Variants in ADAM12 observed in about 807,000 individuals in gnomAD.
The protein encoded by ADAM12 is disintegrin and metalloproteinase domain-containing protein 12.
In ADAM12, 70 loss-of-function variants were observed where a neutral mutation model predicts 106.4. The observed-to-expected ratio is 0.66, with a 90% confidence interval of 0.54 to 0.80. The LOEUF (loss-of-function observed/expected upper bound fraction) is 0.80, where lower values mean the gene tolerates loss of function less well. Among genes scored for constraint, ADAM12 ranks in the 30% least tolerant of loss-of-function variants. The pLI, the probability that ADAM12 is intolerant of heterozygous loss-of-function variation, is 0.00. For synonymous variants in ADAM12, 420 were observed against 433.5 expected (o/e 0.97, Z 0.39); for missense variants, 1,010 against 1,171.9 (o/e 0.86, Z 2.02).
intron 3 of ADAM12, among the ~76,000 whole-genome samples, chr10:126,246,947 C>T (rs971083771): frequency 3.3e-5 from 5 of 152,272 alleles, no homozygotes; most frequent in East Asian, 1.9e-4. Context: ...AAACTATTCC[C>T]GTTAGCAGAC....
intron 11 of ADAM12, among the ~76,000 whole-genome samples, chr10:126,086,449 G>T (rs778283410): frequency 1.3e-5 from 2 of 148,790 alleles, no homozygotes; most frequent in Non-Finnish European, 1.5e-5. Context: ...GCCAAGGCAG[G>T]TGGATCACTC....
intron 3 of ADAM12, among the ~76,000 whole-genome samples, chr10:126,270,688 C>A (rs986377794): frequency 6.6e-6 from 1 of 152,184 alleles, no homozygotes; most frequent in Non-Finnish European, 1.5e-5. Flanking sequence ...TTTTAACAAG[C>A]GCTCCAGGTG....
chr10:126,068,173 T>C (rs1310693153), intron 12 of ADAM12, among the ~76,000 whole-genome samples: 1 of 152,212 alleles, frequency 6.6e-6, no homozygotes, highest in Non-Finnish European at 1.5e-5. Context: ...GGACTTACAA[T>C]TCTAAAAGAG....
intron 4 of ADAM12, among the ~76,000 whole-genome samples, chr10:126,148,620 C>T (rs1249271243): frequency 6.6e-6 from 1 of 152,216 alleles, no homozygotes; most frequent in Non-Finnish European, 1.5e-5. Context: ...ATAAAAGCAA[C>T]ATGTGCTTGA....
At chr10:126,039,195 C>G in intron 19 of ADAM12, 99 bp downstream of exon 19, 1 of 1,431,956 alleles carries the variant, frequency 7.0e-7, no homozygotes. Flanking sequence ...GATCCGCCCG[C>G]CTCAGCCTCC....
At chr10:126,027,790 AAC>A (rs1953902385) in intron 21 of ADAM12, among the ~76,000 whole-genome samples, 2 of 152,194 alleles carry the variant, frequency 1.3e-5, no homozygotes, top group African/African-American at 4.8e-5. Flanking sequence ...TCCCCTTGAA[AAC>A]CAGCACAAGA....
intron 11 of ADAM12, among the ~76,000 whole-genome samples, chr10:126,077,912 C>G (rs780433097): frequency 3.3e-5 from 5 of 152,104 alleles, no homozygotes; most frequent in African/African-American, 1.2e-4. Flanking sequence ...AGACACAGAA[C>G]TAAGTATGGA....
chr10:126,363,582 G>A (rs1185817516), intron 1 of ADAM12, among the ~76,000 whole-genome samples: 1 of 152,152 alleles, frequency 6.6e-6, no homozygotes, highest in African/African-American at 2.4e-5. Context: ...ATGTTAGCAG[G>A]TGGGTCCCAA....
At chr10:126,142,011 G>T (rs761793104) in intron 4 of ADAM12, among the ~76,000 whole-genome samples, 15 of 152,144 alleles carry the variant, frequency 9.9e-5, no homozygotes, top group Non-Finnish European at 7.4e-5. Flanking sequence ...ACCATCAAAG[G>T]TCACAGAGCT....
chr10:126,086,955 C>A (rs559878434), intron 11 of ADAM12, among the ~76,000 whole-genome samples: 8 of 151,758 alleles, frequency 5.3e-5, no homozygotes, highest in African/African-American at 1.9e-4. Context: ...ATTGCTTGAA[C>A]TGGGGAGGTG....
chr10:126,263,615 G>A (rs1959042920), intron 3 of ADAM12, among the ~76,000 whole-genome samples: 1 of 152,120 alleles, frequency 6.6e-6, no homozygotes, highest in Non-Finnish European at 1.5e-5. Context: ...TGGTGGGCGG[G>A]GAGGGGGGTG....
intron 3 of ADAM12, among the ~76,000 whole-genome samples, chr10:126,253,260 T>C (rs1001271964): frequency 1.3e-5 from 2 of 152,190 alleles, no homozygotes; most frequent in African/African-American, 4.8e-5. Context: ...AGCGTGAGCA[T>C]GCATATATTA....
At chr10:126,050,867 A>G (rs997792020) in intron 14 of ADAM12, among the ~76,000 whole-genome samples, 7 of 151,730 alleles carry the variant, frequency 4.6e-5, no homozygotes, top group African/African-American at 1.7e-4. Flanking sequence ...TCCTTTTCTC[A>G]TTTCTTTTAT....
In ADAM12 at chr10:126,260,371, G is replaced by T. The variant is rs192168470; in HGVS notation, c.260+18544C>A. On this transcript the variant is annotated intron_variant, in intron 3 of 22. Coordinates refer to ENST00000448723, the MANE Select transcript of ADAM12 (RefSeq NM_001288973.2). ...TACAACAGGGTCCAAAGGGAAAGCT[G>T]TTGAGCCAGCCCCAAACACTTAAAA... 2.3e-3 allele frequency among the ~76,000 whole-genome samples: 344 copies of T among 152,330 alleles called. 3 individuals carry two copies. Among genetic ancestry groups the T allele is most frequent in the African/African-American group, 7.9e-3 (329 of 41,574 alleles).
rs371846863 is a variant in ADAM12 at position 126,095,253 on chromosome 10, G to C, written c.997-1120C>G. On this transcript the variant is annotated intron_variant, in intron 10 of 22. Transcript: ENST00000448723. ...AGGCCTTTAAGAAGTGATTGGGTCA[G>C]GCCAGGCGCAGTGGCTCACGCCTGT... 7.9e-5 allele frequency among the ~76,000 whole-genome samples: 12 copies of C among 152,162 alleles called. No individual in the cohort carries two copies. The East Asian group carries it at 1.4e-3, about 17-fold the overall frequency.
At chr10:126,331,905 G>A (rs779599021) in intron 1 of ADAM12, among the ~76,000 whole-genome samples, 3 of 152,124 alleles carry the variant, frequency 2.0e-5, no homozygotes, top group African/African-American at 7.2e-5. Context: ...GAAAAGAGTC[G>A]ACTCTCTGAA....
At chr10:126,144,428 T>G (rs546766295) in intron 4 of ADAM12, among the ~76,000 whole-genome samples, 1 of 152,330 alleles carries the variant, frequency 6.6e-6, no homozygotes, top group East Asian at 1.9e-4. Flanking sequence ...GTAAGCTCTA[T>G]TTTCCACTTG....
At chr10:126,301,109 G>T (rs1437956781) in intron 2 of ADAM12, among the ~76,000 whole-genome samples, 1 of 152,106 alleles carries the variant, frequency 6.6e-6, no homozygotes, top group African/African-American at 2.4e-5. Flanking sequence ...AGAGTCCAGG[G>T]GTGCCGCTAA....
intron 3 of ADAM12, among the ~76,000 whole-genome samples, chr10:126,252,085 A>AAATG (rs1958790510): frequency 1.1e-5 from 1 of 92,504 alleles, no homozygotes; most frequent in Non-Finnish European, 2.2e-5. Flanking sequence ...TGAATGGATT[A>AAATG]GATGGATGGG....
Sources: allele counts gnomAD v4.1 joint callset (sites outside exome capture counted in the v4.1 genomes callset), GRCh38; gene constraint gnomAD v4.1.1; transcripts MANE v1.5; gene names NCBI Gene and HGNC (gene_info 2026-07-23, HGNC 2026-07-21).